Variants in PARD3B observed in about 807,000 individuals in gnomAD.
The protein encoded by PARD3B is partitioning defective 3 homolog B.
In PARD3B, 103 loss-of-function variants were observed where a neutral mutation model predicts 130.2. That is an observed-to-expected ratio of 0.79 (90% CI 0.67 to 0.93). PARD3B has a LOEUF of 0.93. Among genes scored for constraint, PARD3B ranks in the 40% least tolerant of loss-of-function variants. PARD3B has a pLI of 0.00. For missense variants in PARD3B, 1,609 were observed against 1,499.2 expected, an observed-to-expected ratio of 1.07 and a Z score of -1.21; for synonymous variants, 583 against 553.2, an observed-to-expected ratio of 1.05 and a Z score of -0.76.
At chr2:204,579,357 C>T (rs956865436) in intron 1 of PARD3B, among the ~76,000 whole-genome samples, 7 of 151,972 alleles carry the variant, frequency 4.6e-5, no homozygotes, top group African/African-American at 1.7e-4. Flanking sequence ...GCCCCTCGAG[C>T]AGCAGTCCCT....
intron 18 of PARD3B, among the ~76,000 whole-genome samples, chr2:205,347,064 T>A (rs2043821840): frequency 6.6e-6 from 1 of 152,214 alleles, no homozygotes. Context: ...TTCATATTCC[T>A]TATTCAAAAA....
At chr2:205,296,571 A>T (rs758284036) in intron 16 of PARD3B, among the ~76,000 whole-genome samples, 1 of 152,000 alleles carries the variant, frequency 6.6e-6, no homozygotes, top group Non-Finnish European at 1.5e-5. Flanking sequence ...TAGCTCTCTC[A>T]TGGGCCTCTT....
intron 1 of PARD3B, among the ~76,000 whole-genome samples, chr2:204,591,032 A>G (rs990699781): frequency 6.6e-6 from 1 of 152,214 alleles, no homozygotes; most frequent in African/African-American, 2.4e-5. Flanking sequence ...AAAAATTGCA[A>G]TTTTAATAAT....
At position 205,463,377 on chromosome 2, in the gene PARD3B, C is replaced by G. The variant is rs10179556; in HGVS notation, c.3044+22705C>G. Among the ~76,000 whole-genome samples the G allele has an allele frequency of 0.19, 29,012 of 150,112 alleles. 5,913 individuals are homozygous for G. Among genetic ancestry groups the G allele is most frequent in the African/African-American group, 0.52 (21,317 of 40,900 alleles). On this transcript the variant is annotated intron_variant, in intron 20 of 22. Transcript: ENST00000406610. This position sits in a 1 kb window ranked among gnomAD's most constrained non-coding sequence, Gnocchi z 4.8. The stretch of plus-strand genomic sequence containing the variant: ...CATGGCCTGGCCAGGCACTGCCTTG[C>G]GGCCCTTCCAAAGGTGGCAGAATGA...
chr2:204,977,933 A>C (rs1054785113), intron 3 of PARD3B, among the ~76,000 whole-genome samples: 1 of 152,004 alleles, frequency 6.6e-6, no homozygotes, highest in African/African-American at 2.4e-5. Flanking sequence ...AGGCCCTTAG[A>C]GGATCAAAAT....
chr2:205,337,054 A>C (rs1401938843), intron 18 of PARD3B, among the ~76,000 whole-genome samples: 1 of 150,758 alleles, frequency 6.6e-6, no homozygotes, highest in Non-Finnish European at 1.5e-5. Flanking sequence ...AAGTATTTTT[A>C]GGTTCTTTGT....
At chr2:204,833,763 T>A (rs2043922476) in intron 2 of PARD3B, among the ~76,000 whole-genome samples, 2 of 152,162 alleles carry the variant, frequency 1.3e-5, no homozygotes. Flanking sequence ...AGATCTCTTT[T>A]TCTTTATAAA....
intron 2 of PARD3B, among the ~76,000 whole-genome samples, chr2:204,838,044 TAC>T (rs990285380): frequency 7.2e-6 from 1 of 138,824 alleles, no homozygotes; most frequent in Non-Finnish European, 1.7e-5. Flanking sequence ...GACAGATACA[TAC>T]ACAGGTAAAA....
chr2:204,807,394 C>T (rs961464739), intron 2 of PARD3B, among the ~76,000 whole-genome samples: 4 of 152,142 alleles, frequency 2.6e-5, no homozygotes, highest in Admixed American at 1.3e-4. Context: ...CACTGTTGGT[C>T]GGAATGTAAA....
At chr2:204,739,413 A>G (rs770690293) in intron 2 of PARD3B, among the ~76,000 whole-genome samples, 18 of 152,034 alleles carry the variant, frequency 1.2e-4, no homozygotes, top group Non-Finnish European at 1.6e-4. Context: ...GTATCTGTCT[A>G]TTTATTGAAA....
chr2:204,934,494 A>G (rs1336359888), intron 2 of PARD3B, among the ~76,000 whole-genome samples: 1 of 152,234 alleles, frequency 6.6e-6, no homozygotes, highest in Non-Finnish European at 1.5e-5. Flanking sequence ...AAACATGATC[A>G]ATTCATTGAT....
chr2:205,485,993 G>C (rs1034494668), intron 20 of PARD3B, among the ~76,000 whole-genome samples: 2 of 152,090 alleles, frequency 1.3e-5, no homozygotes, highest in African/African-American at 4.8e-5. Context: ...TCCCCAACTA[G>C]ACTGTGAAAT....
At chr2:204,977,537 C>T (rs1380499130) in intron 3 of PARD3B, among the ~76,000 whole-genome samples, 10 of 152,178 alleles carry the variant, frequency 6.6e-5, no homozygotes, top group Admixed American at 1.3e-4. Flanking sequence ...AGGCCGGGCG[C>T]GGTGGCTCAC....
intron 2 of PARD3B, among the ~76,000 whole-genome samples, chr2:204,777,998 A>C (rs532771054): frequency 1.6e-4 from 24 of 152,052 alleles, no homozygotes; most frequent in Middle Eastern, 3.4e-3. Context: ...GAGGCTGTCT[A>C]CTTCCCCTTC....
intron 2 of PARD3B, among the ~76,000 whole-genome samples, chr2:204,964,132 A>T (rs879721055): frequency 6.6e-5 from 10 of 152,200 alleles, no homozygotes; most frequent in Non-Finnish European, 1.0e-4. Context: ...TGAATAGAAA[A>T]TATCTAAAGA....
chr2:204,896,952 C>T (rs1199983316), intron 2 of PARD3B, among the ~76,000 whole-genome samples: 1 of 152,142 alleles, frequency 6.6e-6, no homozygotes, highest in Non-Finnish European at 1.5e-5. Context: ...TAGTAAATTG[C>T]ATCTGTACAG....
At chr2:204,737,275 C>T (rs916397279) in intron 2 of PARD3B, among the ~76,000 whole-genome samples, 1 of 152,112 alleles carries the variant, frequency 6.6e-6, no homozygotes, top group African/African-American at 2.4e-5. Flanking sequence ...ACTTTTTAAT[C>T]GTGGCCATTC....
At chr2:205,546,812 A>G (rs1414474667) in intron 21 of PARD3B, among the ~76,000 whole-genome samples, 1 of 152,234 alleles carries the variant, frequency 6.6e-6, no homozygotes, top group Non-Finnish European at 1.5e-5. Flanking sequence ...ATAGGAGATT[A>G]CATGAATTAT....
intron 6 of PARD3B, 107 bp downstream of exon 6, chr2:205,113,684 C>A: frequency 2.6e-6 from 2 of 760,712 alleles, no homozygotes; most frequent in South Asian, 1.9e-5. Context: ...TTCTATTATT[C>A]AAATGGATAC....
Sources: gnomAD v4.1 joint callset for allele counts (sites outside exome capture counted in the v4.1 genomes callset) on GRCh38, gnomAD v4.1.1 for gene constraint, Gnocchi (gnomAD v3.1) non-coding constraint, MANE v1.5 for transcripts, NCBI Gene and HGNC (gene_info 2026-07-23, HGNC 2026-07-21) for gene names.